PDS5A: variants seen among roughly 807,000 people sequenced by gnomAD.
The protein encoded by PDS5A is PDS5 cohesin associated factor A.
PDS5A carries 42 observed loss-of-function variants against 167.1 expected under a neutral mutation model. That is an observed-to-expected ratio of 0.25 (90% CI 0.20 to 0.33). The LOEUF (loss-of-function observed/expected upper bound fraction) is 0.33, where lower values mean the gene tolerates loss of function less well. PDS5A is among the 10% of genes least tolerant of loss of function. The probability of loss-of-function intolerance (pLI) is 1.00; values close to 1 mark genes in which losing one functional copy is unlikely to be tolerated. For synonymous variants in PDS5A, 553 were observed against 554.6 expected (o/e 1.00, Z 0.04); for missense variants, 1,033 against 1,605.9 (o/e 0.64, Z 6.10).
At chr4:39,963,610 T>C (rs532930769) in intron 2 of PDS5A, among the ~76,000 whole-genome samples, 3 of 151,608 alleles carry the variant, frequency 2.0e-5, no homozygotes, top group Admixed American at 6.6e-5. Context: ...CTTTGGGAGG[T>C]TGAGGTGGGT....
Position 39,864,426 on chromosome 4 carries a change from G to A in PDS5A, c.2643-967C>T, listed in dbSNP as rs374530375. 3.3e-5 allele frequency among the ~76,000 whole-genome samples: 5 copies of A among 152,118 alleles called. No homozygotes were observed. The East Asian group carries it at 9.6e-4, about 29-fold the overall frequency. ...TTCAAATGGAACCTATGAAGCCTTG[G>A]CACTCCCACCCCGACACTGTGGATT... is the stretch of plus-strand genomic sequence containing the variant. On this transcript the variant is annotated intron_variant, in intron 23 of 32. Coordinates refer to ENST00000303538, the MANE Select transcript of PDS5A (RefSeq NM_001100399.2).
rs368518924 is a variant in PDS5A, at chr4:39,874,348, C to G, written c.2218G>C (p.Val740Leu). Residue 740 changes from valine (V) to leucine (L), a missense_variant, in exon 20 of 33, where the codon GTG (valine) becomes CTG (leucine). Physicochemically the swap from Val to Leu is conservative, Grantham distance 32 (BLOSUM62 1). Around this residue, in one of 4 missense-constraint regions of PDS5A, gnomAD observed 367 missense variants for 686.7 expected, o/e 0.53. Transcript: ENST00000303538. ...RGTPHQAKQA[V>L]HCIHAIFTNK... is the part of the protein sequence containing the mutation. ...GTGAATATGGCGTGTATACAGTGCA[C>G]AGCCTGTTTTGCTTGGTGTGGAGTA... The G allele has an allele frequency of 1.2e-6, 2 of 1,611,996 alleles. No individual in the cohort carries two copies. Among genetic ancestry groups the G allele is most frequent in the Non-Finnish European group, 1.7e-6 (2 of 1,178,270 alleles).
chr4:39,918,182 CAA>C (rs11447119), intron 7 of PDS5A, among the ~76,000 whole-genome samples: 3 of 88,602 alleles, frequency 3.4e-5, no homozygotes, highest in Non-Finnish European at 6.5e-5. Context: ...GACCCTGTCT[CAA>C]AAAAAAAAAA....
Position 39,825,720 on chromosome 4 carries a change from C to CCT in PDS5A, c.4011-234_4011-233dup, listed in dbSNP as rs1715237389. Among the ~76,000 whole-genome samples the CCT allele has an allele frequency of 2.0e-5, 3 of 152,078 alleles. No homozygotes were observed. In the East Asian group the frequency reaches 5.8e-4, roughly 29 times the overall value. On this transcript the variant is annotated intron_variant, in intron 32 of 32. Transcript: ENST00000303538. ...CTCCAGGCTCAGCGTCCAGCCTGAG[C>CCT]CTCCCAAATAGCTAGAACTATAGGC...
chr4:39,891,501 AG>A (rs1644663152), intron 16 of PDS5A, among the ~76,000 whole-genome samples: 1 of 151,476 alleles, frequency 6.6e-6, no homozygotes, highest in South Asian at 2.1e-4. Flanking sequence ...ATACAAAATC[AG>A]CCGGGCTTGG....
intron 10 of PDS5A, among the ~76,000 whole-genome samples, chr4:39,909,526 G>A (rs1235189711): frequency 6.6e-6 from 1 of 152,094 alleles, no homozygotes; most frequent in Non-Finnish European, 1.5e-5. Context: ...TAATTAAAAA[G>A]CTTAAAAGAA....
intron 21 of PDS5A, among the ~76,000 whole-genome samples, chr4:39,870,307 G>C (rs1415041348): frequency 6.6e-6 from 1 of 152,102 alleles, no homozygotes; most frequent in African/African-American, 2.4e-5. Context: ...CTGGTAAATA[G>C]CTGACAAAGG....
chr4:39,958,655 C>T (rs1729193672), intron 2 of PDS5A, among the ~76,000 whole-genome samples: 1 of 151,510 alleles, frequency 6.6e-6, no homozygotes, highest in African/African-American at 2.4e-5. Context: ...CACTCTATCA[C>T]CTAGGCTGGA....
At chr4:39,909,837 C>T (rs1391152257) in intron 10 of PDS5A, among the ~76,000 whole-genome samples, 2 of 152,148 alleles carry the variant, frequency 1.3e-5, no homozygotes, top group Admixed American at 6.5e-5. Flanking sequence ...TTAAATGCCA[C>T]TATATTTAAT....
At chr4:39,930,246 A>AAAAAAAAAAAAAATTTTTTTT in intron 2 of PDS5A, among the ~76,000 whole-genome samples, 10 of 93,160 alleles carry the variant, frequency 1.1e-4, no homozygotes, top group South Asian at 4.4e-4. Context: ...AAAAAAAAAA[A>AAAAAAAAAAAAAATTTTTTTT]GTTTTTTTGT....
rs569426630 is a variant in PDS5A at position 39,849,464 on chromosome 4, G to A, written c.3219+56C>T. ...AAAAAAAAAAAAAAAAAACCAAGTG[G>A]GACAATATATTTTTCTATTACATCT... On this transcript the variant is annotated intron_variant, in intron 27 of 32. Transcript: ENST00000303538. 3.1e-5 allele frequency: 31 copies of A among 1,012,948 alleles called. No individual in the cohort carries two copies. In the South Asian group the frequency reaches 5.2e-4, roughly 17 times the overall value. 62.7% of individuals were successfully genotyped at this position (1,012,948 alleles called of 1,614,324 possible).
chr4:39,971,810 A>T (rs144711516), intron 2 of PDS5A, among the ~76,000 whole-genome samples: 2 of 152,308 alleles, frequency 1.3e-5, no homozygotes, highest in East Asian at 3.8e-4. Flanking sequence ...GCTATGTTAT[A>T]ATAATAATAA....
intron 32 of PDS5A, among the ~76,000 whole-genome samples, 167 bp from the exon 33 acceptor site, chr4:39,825,655 T>C (rs1715229992): frequency 6.6e-6 from 1 of 151,700 alleles, no homozygotes; most frequent in African/African-American, 2.4e-5. Flanking sequence ...AGTGGCACGA[T>C]CATGGCTCAC....
intron 2 of PDS5A, among the ~76,000 whole-genome samples, chr4:39,964,707 TAA>T (rs960239788): frequency 4.7e-5 from 7 of 148,562 alleles, no homozygotes; most frequent in African/African-American, 1.8e-4. Context: ...AAAATAATAA[TAA>T]AATATGCCCT....
At chr4:39,935,597 G>A (rs1288578690) in intron 2 of PDS5A, among the ~76,000 whole-genome samples, 1 of 152,016 alleles carries the variant, frequency 6.6e-6, no homozygotes, top group Non-Finnish European at 1.5e-5. Context: ...TACCATGTAG[G>A]CCTATTTCTG....
intron 2 of PDS5A, chr4:39,973,895 A>T (rs1730815108): frequency 1.4e-6 from 1 of 700,268 alleles, no homozygotes; most frequent in Admixed American, 2.0e-5. Context: ...GGAGGCCAAG[A>T]GGGGCAGATC....
rs766514059 is a variant in PDS5A, at chr4:39,890,382, T to C, written c.1771-18A>G. ...ATTTCTCTCTATAGAAAGAAAGGAGTTTTACCAAAAACGTGATTTGCTTTC... is the reference window on the plus strand; with the variant it reads ...ATTTCTCTCTATAGAAAGAAAGGAGCTTTACCAAAAACGTGATTTGCTTTC... On this transcript the variant is annotated intron_variant, in intron 16 of 32. Coordinates refer to ENST00000303538, the MANE Select transcript of PDS5A (RefSeq NM_001100399.2). 4.5e-6 allele frequency: 6 copies of C among 1,340,874 alleles called. No homozygotes were observed. The highest frequency in any genetic ancestry group is 4.3e-5 in the Admixed American group (2 of 46,416). The allele number at this position is 1,340,874 out of a possible 1,614,324, so 83.1% of individuals were successfully genotyped here.
chr4:39,917,312 T>G, intron 7 of PDS5A, 124 bp from the exon 8 acceptor site: 3 of 555,662 alleles, frequency 5.4e-6, no homozygotes, highest in Non-Finnish European at 3.0e-6. Flanking sequence ...AAGGAGGTGA[T>G]ACAAACAGGT....
chr4:39,872,337 G>A (rs1412616384), intron 21 of PDS5A, among the ~76,000 whole-genome samples: 4 of 150,318 alleles, frequency 2.7e-5, no homozygotes, highest in African/African-American at 7.3e-5. Flanking sequence ...CACCACACCC[G>A]GCTAATCCAC....
Sources: gnomAD v4.1 joint callset for allele counts (sites outside exome capture counted in the v4.1 genomes callset) on GRCh38, gnomAD v4.1.1 for gene constraint, gnomAD v4.1.1 regional missense constraint, MANE v1.5 for transcripts, NCBI Gene and HGNC (gene_info 2026-07-23, HGNC 2026-07-21) for gene names.